KLRG1: variants seen among roughly 807,000 people sequenced by gnomAD.
KLRG1 encodes the protein killer cell lectin like receptor G1, also known as killer cell lectin-like receptor subfamily G member 1.
A neutral mutation model predicts 21.8 loss-of-function variants in KLRG1; 16 were observed. That is an observed-to-expected ratio of 0.73 (90% CI 0.50 to 1.11). The LOEUF is 1.11. Ranked by LOEUF, KLRG1 falls within the 50% of genes most tolerant of loss-of-function variation. KLRG1 has a pLI of 0.00. For synonymous variants in KLRG1, 69 were observed against 75.9 expected (o/e 0.91, Z 0.47); for missense variants, 173 against 218.3 (o/e 0.79, Z 1.31).
At chr12:9,158,515 C>G in the KLRG1 span, 1 of 1,614,132 alleles carries the variant, frequency 6.2e-7, no homozygotes, top group South Asian at 1.1e-5. Context: ...GTAATGTGTG[C>G]TTCATCAATG....
intron 3 of KLRG1, among the ~76,000 whole-genome samples, chr12:8,999,761 G>A (rs1377950969): frequency 2.0e-5 from 3 of 152,124 alleles, no homozygotes; most frequent in East Asian, 1.9e-4. Context: ...TAGACTGTCC[G>A]GGCGTGGTGG....
chr12:8,984,945 C>T (rs1387100025), upstream of KLRG1, among the ~76,000 whole-genome samples: 1 of 152,138 alleles, frequency 6.6e-6, no homozygotes, highest in Non-Finnish European at 1.5e-5. Context: ...TTTAAGATAG[C>T]ACAGAACATT....
chr12:9,208,310 A>G, the KLRG1 span: 1 of 1,613,802 alleles, frequency 6.2e-7, no homozygotes, highest in Non-Finnish European at 8.5e-7. Context: ...AAGTAGCACA[A>G]GACATAAATG....
chr12:9,087,249 G>A, the KLRG1 span, among the ~76,000 whole-genome samples: 2 of 136,752 alleles, frequency 1.5e-5, no homozygotes, highest in African/African-American at 2.8e-5. Context: ...CTGATGTCTA[G>A]TTATGGAATC....
chr12:9,194,320 T>TATA, the KLRG1 span: 3 of 1,353,092 alleles, frequency 2.2e-6, no homozygotes, highest in East Asian at 7.0e-5. Context: ...CTTTTGCTGC[T>TATA]ATAACTAAAA....
downstream of KLRG1, among the ~76,000 whole-genome samples, chr12:9,011,418 T>G (rs770377894): frequency 5.3e-5 from 8 of 152,224 alleles, no homozygotes; most frequent in African/African-American, 1.7e-4. Context: ...GATTAGCACT[T>G]ACATTGCACA....
At chr12:8,981,291 T>G (rs1057134825) in intron 1 of KLRG1, among the ~76,000 whole-genome samples, 5 of 152,128 alleles carry the variant, frequency 3.3e-5, no homozygotes, top group African/African-American at 1.2e-4. Context: ...ATTCTGTCTT[T>G]TCTTCTACTT....
At chr12:9,090,001 G>A in the KLRG1 span, 14 of 1,596,426 alleles carry the variant, frequency 8.8e-6, no homozygotes, top group Admixed American at 3.4e-5. Flanking sequence ...GTGCCTCTGC[G>A]CTCACAGTGA....
the KLRG1 span, among the ~76,000 whole-genome samples, chr12:9,170,461 G>T: frequency 6.6e-6 from 1 of 152,146 alleles, no homozygotes; most frequent in Non-Finnish European, 1.5e-5. The surrounding 1 kb of genome is among the most constrained non-coding windows in gnomAD (Gnocchi z 4.6). Flanking sequence ...CCTAGGAAGG[G>T]GGCTAAATTC....
At chr12:9,142,131 C>A in the KLRG1 span, among the ~76,000 whole-genome samples, 1 of 152,094 alleles carries the variant, frequency 6.6e-6, no homozygotes, top group Non-Finnish European at 1.5e-5. Flanking sequence ...ATATATGATT[C>A]TTTTTTGTAT....
the KLRG1 span, among the ~76,000 whole-genome samples, chr12:9,120,807 A>C: frequency 6.6e-6 from 1 of 151,376 alleles, no homozygotes; most frequent in Non-Finnish European, 1.5e-5. Context: ...AGATGTACTC[A>C]GTGATCAAAG....
chr12:8,993,822 G>A (rs1239382507), intron 2 of KLRG1, among the ~76,000 whole-genome samples: 2 of 152,128 alleles, frequency 1.3e-5, no homozygotes, highest in Non-Finnish European at 2.9e-5. Flanking sequence ...ATATTTATAT[G>A]AAAAATACTA....
chr12:9,196,771 A>C, the KLRG1 span: 1 of 1,227,362 alleles, frequency 8.1e-7, no homozygotes, highest in Admixed American at 2.1e-5. Flanking sequence ...AATGACAAGA[A>C]AACTTTTTTT....
At chr12:9,154,461 A>C in the KLRG1 span, among the ~76,000 whole-genome samples, 12 of 152,182 alleles carry the variant, frequency 7.9e-5, no homozygotes, top group Admixed American at 4.6e-4. Context: ...GGGATGTCTT[A>C]AGTCTTTCCT....
chr12:8,968,996 T>G (rs1946524560), intron 1 of KLRG1, among the ~76,000 whole-genome samples: 1 of 152,204 alleles, frequency 6.6e-6, no homozygotes, highest in Non-Finnish European at 1.5e-5. Context: ...TATGCTAAAA[T>G]TTATAGCATT....
chr12:9,059,499 A>T, the KLRG1 span, among the ~76,000 whole-genome samples: 1 of 152,146 alleles, frequency 6.6e-6, no homozygotes, highest in Admixed American at 6.5e-5. Flanking sequence ...TACCATTTTC[A>T]CTGTGGGTTT....
chr12:8,968,364 T>C (rs1946513591), intron 1 of KLRG1, among the ~76,000 whole-genome samples: 1 of 152,142 alleles, frequency 6.6e-6, no homozygotes, highest in Middle Eastern at 3.2e-3. Context: ...TGCTCTAAAA[T>C]AGAGTGACAA....
the KLRG1 span, among the ~76,000 whole-genome samples, chr12:9,103,001 A>G: frequency 6.6e-6 from 1 of 152,202 alleles, no homozygotes; most frequent in African/African-American, 2.4e-5. Flanking sequence ...CCATGTATCT[A>G]TAGACATGTC....
chr12:9,119,864 GA>G, the KLRG1 span, among the ~76,000 whole-genome samples: 3 of 152,162 alleles, frequency 2.0e-5, no homozygotes, highest in Non-Finnish European at 4.4e-5. Context: ...CACCACGACA[GA>G]GCCTCCTATT....
Sources: allele counts gnomAD v4.1 joint callset (sites outside exome capture counted in the v4.1 genomes callset), GRCh38; gene constraint gnomAD v4.1.1; non-coding constraint Gnocchi (gnomAD v3.1); transcripts MANE v1.5; gene names NCBI Gene and HGNC (gene_info 2026-07-23, HGNC 2026-07-21).